The following YES1 variants were observed in gnomAD, a reference collection of about 807,000 sequenced individuals.
YES1 encodes the protein YES proto-oncogene 1, Src family tyrosine kinase.
A neutral mutation model predicts 70.4 loss-of-function variants in YES1; 39 were observed. The observed-to-expected ratio is 0.55, with a 90% CI of 0.43 to 0.72. The LOEUF (loss-of-function observed/expected upper bound fraction) is 0.72, where lower values mean the gene tolerates loss of function less well. YES1 is among the 30% of genes least tolerant of loss of function. The pLI is 0.00. For synonymous variants in YES1, 198 were observed against 218.6 expected, an observed-to-expected ratio of 0.91 and a Z score of 0.83; for missense variants, 495 against 644.8, an observed-to-expected ratio of 0.77 and a Z score of 2.52.
At chr18:780,685 G>T (rs1226189690) in intron 1 of YES1, among the ~76,000 whole-genome samples, 1 of 152,102 alleles carries the variant, frequency 6.6e-6, no homozygotes, top group Non-Finnish European at 1.5e-5. Flanking sequence ...TGACCATACT[G>T]CCCTGTAATC....
intron 2 of YES1, among the ~76,000 whole-genome samples, chr18:755,702 C>T (rs1393008610): frequency 6.6e-6 from 1 of 152,056 alleles, no homozygotes; most frequent in African/African-American, 2.4e-5. Flanking sequence ...TTTGCCAAGC[C>T]TAAGGATAAA....
chr18:757,404 G>A (rs1904334676), intron 1 of YES1, among the ~76,000 whole-genome samples: 1 of 151,870 alleles, frequency 6.6e-6, no homozygotes, highest in Admixed American at 6.6e-5. Context: ...TCGGGAGGCT[G>A]AGGCAGGAGA....
At chr18:759,239 G>C (rs1415634447) in intron 1 of YES1, among the ~76,000 whole-genome samples, 2 of 152,184 alleles carry the variant, frequency 1.3e-5, no homozygotes, top group Non-Finnish European at 2.9e-5. Context: ...GGCCAAAATG[G>C]GTGGACAGCC....
At chr18:770,849 G>C (rs1905119765) in intron 1 of YES1, among the ~76,000 whole-genome samples, 1 of 152,096 alleles carries the variant, frequency 6.6e-6, no homozygotes, top group East Asian at 1.9e-4. Flanking sequence ...ATGGTCACTT[G>C]AAAATTCTGA....
rs62088307 is a variant in YES1, at chr18:765,103, A to T, written c.-8-8268T>A. On this transcript the variant is annotated intron_variant, in intron 1 of 11. Coordinates refer to ENST00000314574, the MANE Select transcript of YES1 (RefSeq NM_005433.4). ...GCTTTAGAGGAAATCAAAAGAATTA[A>T]CACAATGTTGGAGGACACCTACATA... Among the ~76,000 whole-genome samples the T allele has an allele frequency of 8.0e-3, 1,212 of 151,606 alleles. 8 individuals are homozygous for T. The highest frequency in any genetic ancestry group is 0.013 in the Non-Finnish European group (880 of 67,906).
intron 1 of YES1, among the ~76,000 whole-genome samples, chr18:763,922 C>A (rs564277756): frequency 6.6e-6 from 1 of 151,750 alleles, no homozygotes; most frequent in Non-Finnish European, 1.5e-5. Flanking sequence ...GAGATCGAGA[C>A]CATCCTGGCT....
At chr18:760,616 G>C (rs1038391501) in intron 1 of YES1, among the ~76,000 whole-genome samples, 6 of 152,206 alleles carry the variant, frequency 3.9e-5, no homozygotes, top group African/African-American at 1.2e-4. Context: ...GGAGGTTCTA[G>C]AAGGCTCTAC....
chr18:759,398 C>T (rs1373634857), intron 1 of YES1, among the ~76,000 whole-genome samples: 1 of 152,136 alleles, frequency 6.6e-6, no homozygotes, highest in Non-Finnish European at 1.5e-5. Context: ...ACCCAGGAGG[C>T]GGAGGTTGCA....
chr18:791,766 T>C (rs1323815528), intron 1 of YES1, among the ~76,000 whole-genome samples: 1 of 152,102 alleles, frequency 6.6e-6, no homozygotes, highest in Non-Finnish European at 1.5e-5. Flanking sequence ...AAATCTGGTG[T>C]GTACTGCACC....
In YES1 at chr18:769,678, GGTT is replaced by G. The variant is rs571501432; in HGVS notation, c.-8-12846_-8-12844del. On this transcript the variant is annotated intron_variant, in intron 1 of 11. Coordinates refer to ENST00000314574, the MANE Select transcript of YES1 (RefSeq NM_005433.4). ...CTACATGTACTTAGATTATCATATA[GGTT>G]TTTTTCCTTTATTCAATTGATGTAG... Among the ~76,000 whole-genome samples the G allele has an allele frequency of 1.3e-3, 204 of 152,046 alleles. 1 individual carries two copies. The highest frequency in any genetic ancestry group is 4.4e-3 in the African/African-American group (184 of 41,482).
chr18:798,570 C>T (rs1449238530), intron 1 of YES1, among the ~76,000 whole-genome samples: 1 of 152,116 alleles, frequency 6.6e-6, no homozygotes, highest in Non-Finnish European at 1.5e-5. Flanking sequence ...TTAGCTCCAC[C>T]CTAATTTCTA....
chr18:734,634 AACT>A (rs1480504688), intron 10 of YES1, among the ~76,000 whole-genome samples: 2 of 152,102 alleles, frequency 1.3e-5, no homozygotes, highest in African/African-American at 4.8e-5. Context: ...TGCAAATTAA[AACT>A]ACAGTGAGAC....
chr18:804,726 A>G (rs1159548522), intron 1 of YES1, among the ~76,000 whole-genome samples: 2 of 151,074 alleles, frequency 1.3e-5, no homozygotes, highest in African/African-American at 4.9e-5. Flanking sequence ...CAGCCTGACC[A>G]ACATGGAGAA....
intron 8 of YES1, 104 bp from the exon 9 acceptor site, chr18:739,915 T>C (rs1598895407): frequency 2.4e-6 from 2 of 833,898 alleles, no homozygotes; most frequent in Non-Finnish European, 3.4e-6. Context: ...TTCTTAGCTT[T>C]TCATTTTTTT....
At chr18:752,102 A>T (rs1305084541) in intron 2 of YES1, among the ~76,000 whole-genome samples, 2 of 152,124 alleles carry the variant, frequency 1.3e-5, no homozygotes, top group Admixed American at 1.3e-4. Flanking sequence ...ACTTGGAGAA[A>T]CAAATTTAAT....
At chr18:802,859 G>C (rs940632997) in intron 1 of YES1, among the ~76,000 whole-genome samples, 2 of 151,754 alleles carry the variant, frequency 1.3e-5, no homozygotes, top group Non-Finnish European at 2.9e-5. Context: ...GAGGCAAGTG[G>C]ATCGCTTGAG....
chr18:745,277 G>C (rs998972466), intron 6 of YES1, among the ~76,000 whole-genome samples: 5 of 152,084 alleles, frequency 3.3e-5, no homozygotes, highest in Non-Finnish European at 7.4e-5. Flanking sequence ...AAAATGCATC[G>C]TCAGACCAAA....
chr18:751,114 G>A lies in YES1; in HGVS notation c.371+591C>T, dbSNP rs148508088. 1.8e-3 allele frequency among the ~76,000 whole-genome samples: 277 copies of A among 152,274 alleles called. 1 individual carries two copies. Among genetic ancestry groups the A allele is most frequent in the African/African-American group, 6.0e-3 (249 of 41,548 alleles). On this transcript the variant is annotated intron_variant, in intron 3 of 11. Transcript: ENST00000314574. ...ACTGGTAGCAGATGGGAACATGGAT[G>A]GAAGAAAATACGACTGGAAGCAGAC...
chr18:724,750 T>G lies in YES1; in HGVS notation c.1424-118A>C, dbSNP rs1454538656. 9 of 731,090 alleles carry G rather than the reference T, an allele frequency of 1.2e-5. No homozygotes were observed. In the African/African-American group the frequency reaches 1.6e-4, roughly 13 times the overall value. The allele number at this position is 731,090 out of a possible 1,614,324, so 45.3% of individuals were successfully genotyped here. A position where few individuals can be genotyped will look rare whatever the true frequency, so the allele number is the denominator to read the frequency against. ...ATATTATTTAGTGAAACAATTCTTTTAACAAAGCAACAAAATAAATTTTAA... is the reference window on the plus strand; with the variant it reads ...ATATTATTTAGTGAAACAATTCTTTGAACAAAGCAACAAAATAAATTTTAA... On this transcript the variant is annotated intron_variant, in intron 11 of 11. Coordinates refer to ENST00000314574, the MANE Select transcript of YES1 (RefSeq NM_005433.4).
Sources: allele counts gnomAD v4.1 joint callset (sites outside exome capture counted in the v4.1 genomes callset), GRCh38; gene constraint gnomAD v4.1.1; transcripts MANE v1.5; gene names NCBI Gene and HGNC (gene_info 2026-07-23, HGNC 2026-07-21).